OPCML: variants seen among roughly 807,000 people sequenced by gnomAD.
OPCML encodes opioid-binding protein/cell adhesion molecule.
In OPCML, 13 loss-of-function variants were observed where a neutral mutation model predicts 37.8. The ratio of observed to expected loss-of-function variants is 0.34; its 90% confidence interval spans 0.22 to 0.55. OPCML has a LOEUF of 0.55. OPCML is among the 20% of genes least tolerant of loss of function. The pLI, the probability that OPCML is intolerant of heterozygous loss-of-function variation, is 0.91. For missense variants in OPCML, 341 were observed against 435.6 expected (o/e 0.78, Z 1.93); for synonymous variants, 176 against 168.8 (o/e 1.04, Z -0.33).
In OPCML at chr11:132,939,570, C is replaced by A. The variant is rs115381532; in HGVS notation, c.146+3356G>T. Among the ~76,000 whole-genome samples the A allele has an allele frequency of 7.5e-3, 1,137 of 152,288 alleles. 14 individuals carry two copies. Among genetic ancestry groups the A allele is most frequent in the African/African-American group, 0.026 (1,080 of 41,554 alleles). On this transcript the variant is annotated intron_variant, in intron 2 of 7. Coordinates refer to ENST00000524381, the MANE Select transcript of OPCML (RefSeq NM_001012393.5). Reference sequence around the variant, plus strand: ...TGGAACAGTTACAACCACCACCTTGCCTCCATCTCACCGCAGCCCCTCAAA... The same window carrying A: ...TGGAACAGTTACAACCACCACCTTGACTCCATCTCACCGCAGCCCCTCAAA...
intron 4 of OPCML, among the ~76,000 whole-genome samples, chr11:132,522,831 T>C (rs2137256079): frequency 6.6e-6 from 1 of 152,352 alleles, no homozygotes; most frequent in Non-Finnish European, 1.5e-5. Flanking sequence ...TGCGGGTCAG[T>C]GCATCTTTTA....
At chr11:133,367,374 C>T (rs1345590817) in intron 1 of OPCML, among the ~76,000 whole-genome samples, 1 of 152,214 alleles carries the variant, frequency 6.6e-6, no homozygotes, top group Non-Finnish European at 1.5e-5. Context: ...ATCCTCAGCT[C>T]ATCAAGGGAG....
intron 4 of OPCML, among the ~76,000 whole-genome samples, chr11:132,479,437 G>A (rs370635712): frequency 6.4e-4 from 97 of 152,316 alleles, no homozygotes; most frequent in African/African-American, 1.6e-3. Context: ...AGGCAGCAGC[G>A]AGGCTGGGGA....
At chr11:132,452,198 C>T (rs2096070067) in intron 4 of OPCML, among the ~76,000 whole-genome samples, 1 of 152,156 alleles carries the variant, frequency 6.6e-6, no homozygotes, top group Non-Finnish European at 1.5e-5. Flanking sequence ...ACTTTTGTGT[C>T]ATGGGGTCTA....
chr11:133,148,907 C>T (rs1350654071), intron 1 of OPCML, among the ~76,000 whole-genome samples: 1 of 152,160 alleles, frequency 6.6e-6, no homozygotes, highest in Admixed American at 6.5e-5. Context: ...CAGCATCCAC[C>T]ATACTTCAGG....
intron 1 of OPCML, among the ~76,000 whole-genome samples, chr11:133,125,001 A>G (rs1949478383): frequency 6.6e-6 from 1 of 152,148 alleles, no homozygotes; most frequent in African/African-American, 2.4e-5. Context: ...TGGGTTGGGA[A>G]TTCATACAAA....
chr11:132,898,105 C>T (rs951575733), intron 2 of OPCML, among the ~76,000 whole-genome samples: 1 of 152,132 alleles, frequency 6.6e-6, no homozygotes, highest in Admixed American at 6.5e-5. Flanking sequence ...ATGGCTTCTA[C>T]TCACCAAGGC....
chr11:132,925,538 C>T (rs961433163), intron 2 of OPCML, among the ~76,000 whole-genome samples: 10 of 152,160 alleles, frequency 6.6e-5, no homozygotes, highest in South Asian at 4.1e-4. Context: ...GTAAAACCCA[C>T]GAAAGTATGG....
At chr11:133,420,194 C>CTTT in intron 1 of OPCML, 1 of 718,050 alleles carries the variant, frequency 1.4e-6, no homozygotes, top group Non-Finnish European at 1.7e-6. Context: ...CACACAAGTA[C>CTTT]TTTTTTTTTT....
chr11:132,849,603 C>T (rs1179963415), intron 2 of OPCML, among the ~76,000 whole-genome samples: 2 of 152,094 alleles, frequency 1.3e-5, no homozygotes, highest in Non-Finnish European at 2.9e-5. Context: ...GAGGACACTC[C>T]CATATAAGAA....
intron 2 of OPCML, among the ~76,000 whole-genome samples, chr11:132,678,893 T>C (rs1402220625): frequency 4.6e-5 from 7 of 152,028 alleles, no homozygotes; most frequent in South Asian, 2.1e-4. Flanking sequence ...CCAGTGATGA[T>C]GTGTCATTGT....
chr11:132,792,718 C>A (rs1464333486), intron 2 of OPCML, among the ~76,000 whole-genome samples: 1 of 152,152 alleles, frequency 6.6e-6, no homozygotes, highest in Non-Finnish European at 1.5e-5. Flanking sequence ...CCAGGAGGGA[C>A]GCGGCCCTGG....
At chr11:132,677,086 C>T (rs1212274582) in intron 2 of OPCML, among the ~76,000 whole-genome samples, 1 of 152,002 alleles carries the variant, frequency 6.6e-6, no homozygotes, top group Non-Finnish European at 1.5e-5. Context: ...AAAAGTCAAT[C>T]ACTTTCATAT....
chr11:132,677,267 G>T (rs1195543060), intron 2 of OPCML, among the ~76,000 whole-genome samples: 2 of 152,000 alleles, frequency 1.3e-5, no homozygotes, highest in Admixed American at 6.6e-5. Context: ...TAAATGAAGA[G>T]GTGTTCCATG....
At chr11:132,719,224 T>G (rs1163747555) in intron 2 of OPCML, among the ~76,000 whole-genome samples, 1 of 152,300 alleles carries the variant, frequency 6.6e-6, no homozygotes, top group Admixed American at 6.5e-5. Context: ...TTCCGCGTTT[T>G]CGTTTGGGGA....
chr11:133,097,732 A>T (rs1949025224), intron 1 of OPCML, among the ~76,000 whole-genome samples: 1 of 152,186 alleles, frequency 6.6e-6, no homozygotes, highest in African/African-American at 2.4e-5. Flanking sequence ...AAGAAATATG[A>T]ACAACTCTGT....
At chr11:132,757,046 C>T (rs1246737404) in intron 2 of OPCML, among the ~76,000 whole-genome samples, 5 of 152,074 alleles carry the variant, frequency 3.3e-5, no homozygotes, top group South Asian at 2.1e-4. Context: ...TGAGAACATG[C>T]GGTGTTTGGT....
chr11:132,646,872 A>C (rs1220818611), intron 3 of OPCML, among the ~76,000 whole-genome samples: 1 of 152,200 alleles, frequency 6.6e-6, no homozygotes, highest in Non-Finnish European at 1.5e-5. Context: ...GAAAGAACTA[A>C]AAACTGGAAA....
At chr11:133,102,533 G>C (rs1565448034) in intron 1 of OPCML, among the ~76,000 whole-genome samples, 1 of 152,134 alleles carries the variant, frequency 6.6e-6, no homozygotes, top group Non-Finnish European at 1.5e-5. Context: ...TGGATCACGA[G>C]GTCAGGAGAT....
Sources: allele counts gnomAD v4.1 joint callset (sites outside exome capture counted in the v4.1 genomes callset), GRCh38; gene constraint gnomAD v4.1.1; transcripts MANE v1.5; gene names NCBI Gene and HGNC (gene_info 2026-07-23, HGNC 2026-07-21).